Variants in TDRD7 observed in about 807,000 individuals in gnomAD.
TDRD7 encodes the protein tudor domain-containing protein 7.
TDRD7 carries 47 observed loss-of-function variants against 109.8 expected under a neutral mutation model. The observed-to-expected ratio is 0.43, with a 90% CI of 0.34 to 0.55. The LOEUF is 0.55. Ranked by LOEUF, TDRD7 falls within the 20% of genes least tolerant of loss-of-function variation. The probability of loss-of-function intolerance (pLI) is 0.03; values close to 1 mark genes in which losing one functional copy is unlikely to be tolerated. For missense variants in TDRD7, 1,164 were observed against 1,319.2 expected, an observed-to-expected ratio of 0.88 and a Z score of 1.82; for synonymous variants, 424 against 457.3, an observed-to-expected ratio of 0.93 and a Z score of 0.93.
Position 97,460,658 on chromosome 9 carries a change from A to G in TDRD7, c.1336A>G (p.Asn446Asp), listed in dbSNP as rs373534828. 3.2e-5 allele frequency: 51 copies of G among 1,614,186 alleles called. No homozygotes were observed. The highest frequency in any genetic ancestry group is 4.2e-5 in the Non-Finnish European group (50 of 1,180,026). Residue 446 changes from asparagine (N) to aspartate (D), a missense_variant, in exon 7 of 17, where the codon AAT (asparagine) becomes GAT (aspartate). By Grantham distance (23) the Asn-to-Asp change is conservative. Transcript: ENST00000355295. Reference sequence around the variant, plus strand: ...AGAAGAAAGCATTGCTGAAAGTGCTAATACCTTTATGGAGGACATAACAGT... The same window carrying G: ...AGAAGAAAGCATTGCTGAAAGTGCTGATACCTTTATGGAGGACATAACAGT... The part of the protein sequence containing the change: ...QVEESIAESA[N>D]TFMEDITVPP...
intron 16 of TDRD7, among the ~76,000 whole-genome samples, chr9:97,488,394 T>A (rs1829247477): frequency 6.6e-6 from 1 of 152,248 alleles, no homozygotes; most frequent in Non-Finnish European, 1.5e-5. Flanking sequence ...ATTGGAAGCC[T>A]GTGTATTGCC....
At chr9:97,445,044 A>G (rs1294517219) in intron 6 of TDRD7, among the ~76,000 whole-genome samples, 1 of 152,230 alleles carries the variant, frequency 6.6e-6, no homozygotes, top group African/African-American at 2.4e-5. Flanking sequence ...TTTCAAAGCT[A>G]GGGAGAACAC....
chr9:97,436,147 G>T (rs543176236), intron 4 of TDRD7, among the ~76,000 whole-genome samples: 66 of 152,166 alleles, frequency 4.3e-4, no homozygotes, highest in Non-Finnish European at 7.9e-4. Flanking sequence ...AAAATGTGTG[G>T]GGAAGAGGGT....
chr9:97,487,968 C>T (rs1829240748), intron 16 of TDRD7, among the ~76,000 whole-genome samples: 1 of 152,182 alleles, frequency 6.6e-6, no homozygotes, highest in Non-Finnish European at 1.5e-5. Context: ...GTTTGCAGCA[C>T]AACTAACAGC....
At chr9:97,464,697 C>A in intron 7 of TDRD7, 145 bp from the exon 8 acceptor site, 1 of 795,262 alleles carries the variant, frequency 1.3e-6, no homozygotes, top group Non-Finnish European at 2.1e-6. Context: ...TCACTGAATA[C>A]ACGTTCTCCT....
At chr9:97,460,810 C>A in intron 7 of TDRD7, 46 bp downstream of exon 7, 1 of 1,542,730 alleles carries the variant, frequency 6.5e-7, no homozygotes, top group South Asian at 1.1e-5. Flanking sequence ...ATACTTTTGT[C>A]ACTTGTCTAT....
chr9:97,439,684 CATAA>C (rs1828265338), intron 5 of TDRD7, among the ~76,000 whole-genome samples: 1 of 152,134 alleles, frequency 6.6e-6, no homozygotes, highest in African/African-American at 2.4e-5. Flanking sequence ...ATTAAAAGTG[CATAA>C]ATATGGGACT....
At chr9:97,427,518 G>A (rs1316419009) in intron 1 of TDRD7, among the ~76,000 whole-genome samples, 4 of 152,140 alleles carry the variant, frequency 2.6e-5, no homozygotes, top group African/African-American at 4.8e-5. Context: ...GACCAGCTTA[G>A]ACTTCTAACC....
chr9:97,458,516 C>G (rs971395753), intron 6 of TDRD7, among the ~76,000 whole-genome samples: 3 of 152,082 alleles, frequency 2.0e-5, no homozygotes, highest in Non-Finnish European at 4.4e-5. Flanking sequence ...GTCCCTATGG[C>G]TTAAAATGAG....
chr9:97,435,161 A>C lies in TDRD7; in HGVS notation c.563+2923A>C, dbSNP rs146399176. 4.1e-3 allele frequency among the ~76,000 whole-genome samples: 624 copies of C among 152,228 alleles called. 4 individuals are homozygous for C. The highest frequency in any genetic ancestry group is 0.014 in the African/African-American group (593 of 41,536). Reference sequence around the variant, plus strand: ...CACAGAACTACACACACACATCCATATGCAACTGGAAATCTGAATAAGCTC... The same window carrying C: ...CACAGAACTACACACACACATCCATCTGCAACTGGAAATCTGAATAAGCTC... On this transcript the variant is annotated intron_variant, in intron 4 of 16. Coordinates refer to ENST00000355295, the MANE Select transcript of TDRD7 (RefSeq NM_014290.3).
At chr9:97,426,813 G>A (rs911726137) in intron 1 of TDRD7, among the ~76,000 whole-genome samples, 1 of 152,172 alleles carries the variant, frequency 6.6e-6, no homozygotes, top group Admixed American at 6.5e-5. Flanking sequence ...TTAATAGCAG[G>A]ACAAACAGGC....
intron 3 of TDRD7, 141 bp downstream of exon 3, chr9:97,431,215 G>T (rs1183514461): frequency 2.3e-6 from 3 of 1,311,356 alleles, no homozygotes; most frequent in Non-Finnish European, 3.2e-6. Flanking sequence ...CCTGAAGCTA[G>T]CATTTCCATT....
In TDRD7 at chr9:97,439,251, C is replaced by T. The variant is rs1432238487; in HGVS notation, c.570C>T (p.Ser190=). The T allele has an allele frequency of 1.3e-6, 2 of 1,598,890 alleles. No individual in the cohort carries two copies. Among genetic ancestry groups the T allele is most frequent in the East Asian group, 2.2e-5 (1 of 44,756 alleles). ...TTTTTTTTTAATATCTTAGGTTTAG[C>T]CCAAAGGCGTCCCTTCAACCACCTT... ...HVTMSTNNRF[S]PKASLQPPLQ... Residue 190 remains serine (S), a synonymous_variant, in exon 5 of 17, where the codon AGC becomes AGT. Coordinates refer to ENST00000355295, the MANE Select transcript of TDRD7 (RefSeq NM_014290.3).
intron 2 of TDRD7, among the ~76,000 whole-genome samples, chr9:97,430,450 G>A (rs1190867207): frequency 6.6e-6 from 1 of 152,202 alleles, no homozygotes; most frequent in Non-Finnish European, 1.5e-5. Flanking sequence ...ACAGAGGCAA[G>A]AGAAGGATTT....
At chr9:97,486,987 G>C (rs183396902) in intron 15 of TDRD7, among the ~76,000 whole-genome samples, 185 bp from the exon 16 acceptor site, 1 of 152,334 alleles carries the variant, frequency 6.6e-6, no homozygotes, top group East Asian at 1.9e-4. Context: ...TGGCAAAGCA[G>C]AGAATAGTAA....
At chr9:97,493,455 C>G (rs1829339420) in intron 16 of TDRD7, among the ~76,000 whole-genome samples, 2 of 152,038 alleles carry the variant, frequency 1.3e-5, no homozygotes, top group South Asian at 4.2e-4. Flanking sequence ...TCGCAGAGAT[C>G]ACATGCTTCA....
At chr9:97,470,999 C>A (rs913289172) in intron 9 of TDRD7, among the ~76,000 whole-genome samples, 29 of 152,092 alleles carry the variant, frequency 1.9e-4, no homozygotes, top group African/African-American at 7.0e-4. Context: ...TGTTGTTCAG[C>A]ATGTTGTGAG....
At chr9:97,492,198 T>C (rs975277049) in intron 16 of TDRD7, among the ~76,000 whole-genome samples, 9 of 152,310 alleles carry the variant, frequency 5.9e-5, no homozygotes, top group African/African-American at 2.2e-4. Flanking sequence ...TGTTTCTTAT[T>C]AGGAGGCAGT....
intron 3 of TDRD7, 50 bp from the exon 4 acceptor site, chr9:97,431,975 T>C: frequency 6.6e-7 from 1 of 1,511,058 alleles, no homozygotes; most frequent in Non-Finnish European, 9.2e-7. Context: ...ATAATGAAAG[T>C]GGGGTTTGGG....
Sources: gnomAD v4.1 joint callset for allele counts (sites outside exome capture counted in the v4.1 genomes callset) on GRCh38, gnomAD v4.1.1 for gene constraint, MANE v1.5 for transcripts, NCBI Gene and HGNC (gene_info 2026-07-23, HGNC 2026-07-21) for gene names.